The following GORASP1 variants were observed in gnomAD, a reference collection of about 807,000 sequenced individuals.
The protein encoded by GORASP1 is golgi reassembly stacking protein 1, also known as Golgi reassembly-stacking protein 1.
GORASP1 carries 31 observed loss-of-function variants against 37.7 expected under a neutral mutation model. The ratio of observed to expected loss-of-function variants is 0.82; its 90% CI spans 0.62 to 1.11. The LOEUF (loss-of-function observed/expected upper bound fraction) is 1.11, where lower values mean the gene tolerates loss of function less well. Ranked by LOEUF, GORASP1 falls within the 50% of genes least tolerant of loss-of-function variation. The pLI, the probability that GORASP1 is intolerant of heterozygous loss-of-function variation, is 0.00. For missense variants in GORASP1, 476 were observed against 560.7 expected (o/e 0.85, Z 1.53); for synonymous variants, 204 against 224.8 (o/e 0.91, Z 0.83).
chr3:39,099,418 C>T lies in GORASP1; in HGVS notation c.851G>A (p.Gly284Glu), dbSNP rs2035554119. The change falls in exon 7 of 9, where the codon GGA becomes GAA. Residue 284 changes from glycine to glutamate, a missense_variant. Coordinates refer to ENST00000319283, the MANE Select transcript of GORASP1 (RefSeq NM_031899.4). ...AGGAGTCTCCATGAAATGGGGAAGT[C>T]CATCAGGGTCTGGAGCACTGTGGCT... The part of the protein sequence containing the change: ...SPSHSAPDPD[G>E]LPHFMETPLQ... 1.2e-6 allele frequency: 2 copies of T among 1,612,826 alleles called. No homozygotes were observed. Among genetic ancestry groups the T allele is most frequent in the African/African-American group, 2.7e-5 (2 of 74,874 alleles).
rs1427631836 is a variant in GORASP1 at position 39,096,637 on chromosome 3, G to C, written c.*1599C>G. 1 of 152,150 alleles carries C rather than the reference G, an allele frequency of 6.6e-6. No homozygotes were observed. The highest frequency in any genetic ancestry group is 1.5e-5 in the Non-Finnish European group (1 of 68,032). 9.4% of individuals were successfully genotyped at this position (152,150 alleles called of 1,614,324 possible). The stretch of plus-strand genomic sequence containing the variant: ...GGGTAAAAATCTGTATTTCACAGTT[G>C]TATAGAATAAAGGCTTTAGTTAAAA... On this transcript the variant is annotated 3_prime_UTR_variant, in exon 9 of 9. Coordinates refer to ENST00000319283, the MANE Select transcript of GORASP1 (RefSeq NM_031899.4).
Position 39,103,860 on chromosome 3 carries a change from T to G in GORASP1, c.64-307A>C, listed in dbSNP as rs74569096. 0.029 allele frequency: 9,061 copies of G among 308,638 alleles called. 324 individuals are homozygous for G. The highest frequency in any genetic ancestry group is 0.14 in the East Asian group (2,168 of 15,204). The allele number at this position is 308,638 out of a possible 1,614,324, so 19.1% of individuals were successfully genotyped here. A position where few individuals can be genotyped will look rare whatever the true frequency, so the allele number is the denominator to read the frequency against. The stretch of plus-strand genomic sequence containing the variant: ...ATATGGAGACAGGCTGGCCCAGGCC[T>G]GTGGGAATGCTGCTCTAGAGGGCTA... On this transcript the variant is annotated intron_variant, in intron 1 of 8. Transcript: ENST00000319283. The surrounding 1 kb of genome is among the most constrained non-coding windows in gnomAD (Gnocchi z 5.2).
In GORASP1 at chr3:39,100,564, T is replaced by C. The variant is rs1386570486; in HGVS notation, c.567-61A>G. On this transcript the variant is annotated intron_variant, in intron 5 of 8. Transcript: ENST00000319283. This position sits in a 1 kb window ranked among gnomAD's most constrained non-coding sequence, Gnocchi z 4.6. ...GTCCCACGGCCCTCCCTACCTTTGCTATCCCCACCTACTACCAGCAATAAG... is the reference window on the plus strand; with the variant it reads ...GTCCCACGGCCCTCCCTACCTTTGCCATCCCCACCTACTACCAGCAATAAG... 2.7e-6 allele frequency: 4 copies of C among 1,497,838 alleles called. No individual in the cohort carries two copies. Among genetic ancestry groups the C allele is most frequent in the African/African-American group, 2.8e-5 (2 of 71,322 alleles). The allele number at this position is 1,497,838 out of a possible 1,614,324, so 92.8% of individuals were successfully genotyped here.
rs1374681880 is a variant in GORASP1, at chr3:39,107,543, G to A, written c.-2C>T. 5 of 1,499,326 alleles carry A rather than the reference G, an allele frequency of 3.3e-6. No homozygotes were observed. The highest frequency in any genetic ancestry group is 3.5e-6 in the Non-Finnish European group (4 of 1,133,982). 92.9% of individuals were successfully genotyped at this position (1,499,326 alleles called of 1,614,324 possible). A position where few individuals can be genotyped will look rare whatever the true frequency, so the allele number is the denominator to read the frequency against. The stretch of plus-strand genomic sequence containing the variant: ...CTCAGCGCTGACGCCCAGGCCCATG[G>A]CAGCGGCTCCGCTCGGCACCCAGGT... On this transcript the variant is annotated 5_prime_UTR_variant, in exon 1 of 9. Coordinates refer to ENST00000319283, the MANE Select transcript of GORASP1 (RefSeq NM_031899.4).
rs367950040 is a variant in GORASP1 at position 39,106,850 on chromosome 3, G to A, written c.63+629C>T. ...GCCTGCTCGCCCAGACCTCCATGTAGCGGCATCTAAAGGCTGGGACCCTCC... is the reference window on the plus strand; with the variant it reads ...GCCTGCTCGCCCAGACCTCCATGTAACGGCATCTAAAGGCTGGGACCCTCC... On this transcript the variant is annotated intron_variant, in intron 1 of 8. Coordinates refer to ENST00000319283, the MANE Select transcript of GORASP1 (RefSeq NM_031899.4). 23 of 280,602 alleles carry A rather than the reference G, an allele frequency of 8.2e-5. No individual in the cohort carries two copies. The East Asian group carries it at 1.8e-3, about 22-fold the overall frequency. The allele number at this position is 280,602 out of a possible 1,614,324, so 17.4% of individuals were successfully genotyped here. A position where few individuals can be genotyped will look rare whatever the true frequency, so the allele number is the denominator to read the frequency against.
Position 39,100,401 on chromosome 3 carries a change from T to C in GORASP1, c.669A>G (p.Pro223=), listed in dbSNP as rs907727558. The C allele has an allele frequency of 6.2e-7, 1 of 1,613,648 alleles. No homozygotes were observed. Among genetic ancestry groups the C allele is most frequent in the African/African-American group, 1.3e-5 (1 of 74,858 alleles). Residue 223 remains proline (P), a synonymous_variant, in exon 6 of 9, where the codon CCA becomes CCG. Coordinates refer to ENST00000319283, the MANE Select transcript of GORASP1 (RefSeq NM_031899.4). The surrounding 1 kb of genome is among the most constrained non-coding windows in gnomAD (Gnocchi z 4.6). ...GAGCATCAGGTGGTGGGGCACCAAG[T>C]GGTAGAGCAGAAGGTGGTGGGGTGC... ...PPGTPPPSAL[P]LGAPPPDALP...
chr3:39,107,394 G>T, intron 1 of GORASP1, 85 bp downstream of exon 1: 1 of 924,600 alleles, frequency 1.1e-6, no homozygotes, highest in Non-Finnish European at 1.4e-6. Context: ...CCCCGCCGCA[G>T]TCGCCAGCCA....
chr3:39,099,133 GCT>G (rs1256120299), intron 7 of GORASP1: 1 of 778,312 alleles, frequency 1.3e-6, no homozygotes, highest in South Asian at 1.5e-5. Context: ...CATAGACTCT[GCT>G]CTGTGTCCAA....
At chr3:39,107,076 G>T (rs1264758055) in intron 1 of GORASP1, 2 of 467,446 alleles carry the variant, frequency 4.3e-6, no homozygotes, top group Non-Finnish European at 8.5e-6. Context: ...CCTCGGCGTG[G>T]CTGACTCTCT....
Position 39,098,556 on chromosome 3 carries a change from AC to A in GORASP1, c.1070-68del. On this transcript the variant is annotated intron_variant, in intron 8 of 8. Transcript: ENST00000319283. This position sits in a 1 kb window ranked among gnomAD's most constrained non-coding sequence, Gnocchi z 4.7. The stretch of plus-strand genomic sequence containing the variant: ...TAGGGCCATGGTGTTAGGGCCAGTA[AC>A]CCCACCGACCGCTCCCCATTGCCAC... 1 of 1,546,710 alleles carries A rather than the reference AC, an allele frequency of 6.5e-7. No individual in the cohort carries two copies. The highest frequency in any genetic ancestry group is 8.7e-7 in the Non-Finnish European group (1 of 1,145,312).
Position 39,100,892 on chromosome 3 carries a change from T to C in GORASP1, c.436-15A>G, listed in dbSNP as rs748327494. The C allele has an allele frequency of 6.2e-7, 1 of 1,614,134 alleles. No individual in the cohort carries two copies. Among genetic ancestry groups the C allele is most frequent in the Admixed American group, 1.7e-5 (1 of 60,018 alleles). ...AAGTCCTCGGACTGTGAGAAACGCA[T>C]AGCACCTGAGGCCTGCTTCCAGGGC... On this transcript the variant is annotated splice_polypyrimidine_tract_variant and intron_variant, in intron 4 of 8. Transcript: ENST00000319283. This position sits in a 1 kb window ranked among gnomAD's most constrained non-coding sequence, Gnocchi z 4.6.
rs1276039303 is a variant in GORASP1, at chr3:39,100,294, T to TC, written c.765+10dup. 1.2e-5 allele frequency: 19 copies of TC among 1,612,920 alleles called. No homozygotes were observed. Among genetic ancestry groups the TC allele is most frequent in the Non-Finnish European group, 1.5e-5 (18 of 1,179,088 alleles). The stretch of plus-strand genomic sequence containing the variant: ...TTCTGTCTTCCCAGTTGGCAGATTC[T>TC]CCCCACATACCTCCATGTAGTCACT... On this transcript the variant is annotated intron_variant, in intron 6 of 8. Transcript: ENST00000319283. This position sits in a 1 kb window ranked among gnomAD's most constrained non-coding sequence, Gnocchi z 4.6.
chr3:39,104,458 G>A (rs1026789505), intron 1 of GORASP1, among the ~76,000 whole-genome samples: 5 of 152,174 alleles, frequency 3.3e-5, no homozygotes, highest in Non-Finnish European at 5.9e-5. Context: ...CCCTAGACCC[G>A]AAGATGGGCC....
rs145676119 is a variant in GORASP1 at position 39,099,365 on chromosome 3, C to T, written c.904G>A (p.Val302Ile). ...PLQPPPPVQR[V>I]MDPGFLDVSG... Reference sequence around the variant, plus strand: ...GCCTGCCCAGTACCTGGGTCCATAACTCGCTGCACTGGAGGTGGGGGCTGA... The same window carrying T: ...GCCTGCCCAGTACCTGGGTCCATAATTCGCTGCACTGGAGGTGGGGGCTGA... The change falls in exon 7 of 9, where the codon GTT becomes ATT. Residue 302 changes from valine (V) to isoleucine (I), a missense_variant. Coordinates refer to ENST00000319283, the MANE Select transcript of GORASP1 (RefSeq NM_031899.4). The T allele has an allele frequency of 5.8e-4, 934 of 1,613,170 alleles. 4 individuals are homozygous for T. Among genetic ancestry groups the T allele is most frequent in the Non-Finnish European group, 7.5e-4 (887 of 1,179,604 alleles).
chr3:39,099,492 C>T lies in GORASP1; in HGVS notation c.777G>A (p.Gln259=), dbSNP rs2035559607. The change falls in exon 7 of 9, where the codon CAG becomes CAA. Residue 259 remains glutamine, a synonymous_variant. Transcript: ENST00000319283. ...GATCCTCCATGGAGGAGCCAGGTGCCTGCAGCAGGGCCTAGGAAAGAAGAA... is the reference window on the plus strand; with the variant it reads ...GATCCTCCATGGAGGAGCCAGGTGCTTGCAGCAGGGCCTAGGAAAGAAGAA... The part of the protein sequence containing the change: ...RQSDYMEALL[Q]APGSSMEDPL... The T allele has an allele frequency of 6.2e-7, 1 of 1,610,140 alleles. No homozygotes were observed. Among genetic ancestry groups the T allele is most frequent in the African/African-American group, 1.3e-5 (1 of 74,876 alleles).
Position 39,103,179 on chromosome 3 carries a change from T to G in GORASP1, c.144+294A>C. ...ATTCCAGTGCTGCCCCACTCTGAGC[T>G]GCCCCTTGGCCAGGGCCCTCATATC... is the stretch of plus-strand genomic sequence containing the variant. On this transcript the variant is annotated intron_variant, in intron 2 of 8. Transcript: ENST00000319283. The surrounding 1 kb of genome is among the most constrained non-coding windows in gnomAD (Gnocchi z 5.2). 1.7e-6 allele frequency: 1 copy of G among 590,344 alleles called. No individual in the cohort carries two copies. The highest frequency in any genetic ancestry group is 3.0e-6 in the Non-Finnish European group (1 of 331,388). The allele number at this position is 590,344 out of a possible 1,614,324, so 36.6% of individuals were successfully genotyped here.
Position 39,103,739 on chromosome 3 carries a change from T to C in GORASP1, c.64-186A>G, listed in dbSNP as rs1022612961. On this transcript the variant is annotated intron_variant, in intron 1 of 8. Transcript: ENST00000319283. This position sits in a 1 kb window ranked among gnomAD's most constrained non-coding sequence, Gnocchi z 5.2. ...TTGCTACCTTCCTGGGCACAAATTT[T>C]CCTCTTAGGAAAATGGCTCCTTCCT... 3 of 494,864 alleles carry C rather than the reference T, an allele frequency of 6.1e-6. No individual in the cohort carries two copies. The highest frequency in any genetic ancestry group is 1.1e-5 in the Non-Finnish European group (3 of 280,646). The allele number at this position is 494,864 out of a possible 1,614,324, so 30.7% of individuals were successfully genotyped here.
chr3:39,101,679 A>G, intron 3 of GORASP1: 1 of 424,258 alleles, frequency 2.4e-6, no homozygotes, highest in Non-Finnish European at 4.8e-6. Flanking sequence ...TGGGAAATGC[A>G]AAGCAATTTG....
Position 39,100,809 on chromosome 3 carries a change from G to C in GORASP1, c.504C>G (p.Ser168=), listed in dbSNP as rs1177044271. 1 of 1,614,140 alleles carries C rather than the reference G, an allele frequency of 6.2e-7. No individual in the cohort carries two copies. Among genetic ancestry groups the C allele is most frequent in the South Asian group, 1.1e-5 (1 of 91,088 alleles). The change falls in exon 5 of 9, where the codon TCC becomes TCG. Residue 168 remains serine (S), a synonymous_variant. Coordinates refer to ENST00000319283, the MANE Select transcript of GORASP1 (RefSeq NM_031899.4). The surrounding 1 kb of genome is among the most constrained non-coding windows in gnomAD (Gnocchi z 4.6). ...GKPLKLMVYN[S]KSDSCREVTV... is the part of the protein sequence containing the mutation. ...TCACCTCCCGGCAGGAGTCTGACTT[G>C]GAGTTATACACCATCAGCTTCAAGG... is the stretch of plus-strand genomic sequence containing the variant.
Sources: allele counts gnomAD v4.1 joint callset (sites outside exome capture counted in the v4.1 genomes callset), GRCh38; gene constraint gnomAD v4.1.1; non-coding constraint Gnocchi (gnomAD v3.1); transcripts MANE v1.5; gene names NCBI Gene and HGNC (gene_info 2026-07-23, HGNC 2026-07-21).